LSAMP: variants seen among roughly 807,000 people sequenced by gnomAD.
LSAMP encodes limbic system associated membrane protein.
A neutral mutation model predicts 38.6 loss-of-function variants in LSAMP; 7 were observed. The observed-to-expected ratio is 0.18, with a 90% CI of 0.10 to 0.34. The LOEUF is 0.34. LSAMP is among the 10% of genes least tolerant of loss of function. The pLI, the probability that LSAMP is intolerant of heterozygous loss-of-function variation, is 1.00. For missense variants in LSAMP, 313 were observed against 420.0 expected, an observed-to-expected ratio of 0.75 and a Z score of 2.23; for synonymous variants, 154 against 166.8, an observed-to-expected ratio of 0.92 and a Z score of 0.59.
At chr3:116,339,571 A>G (rs2047966322) in intron 1 of LSAMP, among the ~76,000 whole-genome samples, 1 of 151,934 alleles carries the variant, frequency 6.6e-6, no homozygotes, top group African/African-American at 2.4e-5. Flanking sequence ...CTCCCCTGGA[A>G]CCTGGACTAA....
chr3:116,322,067 T>C lies in LSAMP; in HGVS notation c.155+122810A>G, dbSNP rs181109301. ...AGAAATCTCTAGTTACATTGTTCAC[T>C]GAAGCAAAACTATGTTATAAGGGTC... is the stretch of plus-strand genomic sequence containing the variant. On this transcript the variant is annotated intron_variant, in intron 1 of 6. Transcript: ENST00000490035. 9.2e-5 allele frequency among the ~76,000 whole-genome samples: 14 copies of C among 152,344 alleles called. No individual in the cohort carries two copies. In the East Asian group the frequency reaches 2.7e-3, roughly 29 times the overall value.
chr3:115,925,087 C>T (rs1486753602), intron 3 of LSAMP, among the ~76,000 whole-genome samples: 1 of 152,110 alleles, frequency 6.6e-6, no homozygotes, highest in East Asian at 1.9e-4. Flanking sequence ...GGTTTCCTTC[C>T]AAGTCCACTC....
At chr3:116,434,098 T>C (rs894424055) in intron 1 of LSAMP, among the ~76,000 whole-genome samples, 1 of 152,210 alleles carries the variant, frequency 6.6e-6, no homozygotes, top group African/African-American at 2.4e-5. Flanking sequence ...ATTATCTATC[T>C]CTGATTTTAT....
chr3:116,028,036 T>C (rs1182715858), intron 2 of LSAMP, among the ~76,000 whole-genome samples: 1 of 152,170 alleles, frequency 6.6e-6, no homozygotes, highest in Non-Finnish European at 1.5e-5. Context: ...TTTTCTTTGG[T>C]ACAGCAGGAA....
In LSAMP at chr3:115,806,326, TACAC is replaced by T. The variant is rs1279860603; in HGVS notation, c.*3987_*3990del. On this transcript the variant is annotated 3_prime_UTR_variant, in exon 7 of 7. Coordinates refer to ENST00000490035, the MANE Select transcript of LSAMP (RefSeq NM_002338.5). ...ATATAGCATCTATAAAGATAAAAAA[TACAC>T]ACACATATATATTATTGTTTTCCAC... is the stretch of plus-strand genomic sequence containing the variant. The T allele has an allele frequency of 6.6e-6, 1 of 152,052 alleles. No homozygotes were observed. Among genetic ancestry groups the T allele is most frequent in the Non-Finnish European group, 1.5e-5 (1 of 68,002 alleles). 9.4% of individuals were successfully genotyped at this position (152,052 alleles called of 1,614,324 possible).
Position 115,841,895 on chromosome 3 carries a change from C to T in LSAMP, c.869G>A (p.Cys290Tyr). The T allele has an allele frequency of 6.2e-7, 1 of 1,614,054 alleles. No homozygotes were observed. Among genetic ancestry groups the T allele is most frequent in the South Asian group, 1.1e-5 (1 of 91,056 alleles). The change falls in exon 6 of 7, where the codon TGT (cysteine) becomes TAT (tyrosine). Residue 290 changes from cysteine to tyrosine, a missense_variant. Physicochemically the swap from Cys to Tyr is radical, Grantham distance 194. Coordinates refer to ENST00000490035, the MANE Select transcript of LSAMP (RefSeq NM_002338.5). ...GACCCCCAGCTTGTTGGCAGCCACACAGGTGTAGTTGCCGTAGTGCTCCTC... is the reference window on the plus strand; with the variant it reads ...GACCCCCAGCTTGTTGGCAGCCACATAGGTGTAGTTGCCGTAGTGCTCCTC... ...VTEEHYGNYT[C>Y]VAANKLGVTN...
chr3:116,235,316 A>G (rs745744398), intron 1 of LSAMP, among the ~76,000 whole-genome samples: 3 of 152,100 alleles, frequency 2.0e-5, no homozygotes, highest in Non-Finnish European at 2.9e-5. Flanking sequence ...GGAGCTCACT[A>G]TGTTGCATAG....
Position 115,805,237 on chromosome 3 carries a change from G to A in LSAMP, c.*5080C>T, listed in dbSNP as rs933316302. ...GACAATCTCCACTTAGATCCTGAAA[G>A]ACCAAAGAGGTGACTTGAGCAGGAT... On this transcript the variant is annotated 3_prime_UTR_variant, in exon 7 of 7. Transcript: ENST00000490035. 1 of 152,198 alleles carries A rather than the reference G, an allele frequency of 6.6e-6. No individual in the cohort carries two copies. The highest frequency in any genetic ancestry group is 2.4e-5 in the African/African-American group (1 of 41,452). The allele number at this position is 152,198 out of a possible 1,614,324, so 9.4% of individuals were successfully genotyped here.
Position 116,012,202 on chromosome 3 carries a change from T to A in LSAMP, c.514+7313A>T, listed in dbSNP as rs752760646. Among the ~76,000 whole-genome samples the A allele has an allele frequency of 2.6e-4, 40 of 152,178 alleles. 1 individual carries two copies. The highest frequency in any genetic ancestry group is 4.0e-4 in the Non-Finnish European group (27 of 68,026). ...GCAAGCATCTGCTCATTTCAACAAC[T>A]CCATGGTCACTTTGATTTTTAAATA... On this transcript the variant is annotated intron_variant, in intron 3 of 6. Coordinates refer to ENST00000490035, the MANE Select transcript of LSAMP (RefSeq NM_002338.5).
At chr3:116,268,051 C>G (rs1274293411) in intron 1 of LSAMP, among the ~76,000 whole-genome samples, 1 of 152,092 alleles carries the variant, frequency 6.6e-6, no homozygotes, top group Non-Finnish European at 1.5e-5. Flanking sequence ...CTCTGGACAT[C>G]TCTTCTGGGC....
At chr3:116,233,560 T>C (rs965857128) in intron 1 of LSAMP, among the ~76,000 whole-genome samples, 3 of 151,996 alleles carry the variant, frequency 2.0e-5, no homozygotes, top group African/African-American at 7.3e-5. Context: ...AAACACTAGC[T>C]CTTATTCCTT....
At chr3:115,942,913 C>T (rs868368022) in intron 3 of LSAMP, among the ~76,000 whole-genome samples, 1 of 152,120 alleles carries the variant, frequency 6.6e-6, no homozygotes, top group East Asian at 1.9e-4. Flanking sequence ...AACATTAGTG[C>T]TTTATCAGAT....
chr3:116,122,522 T>C (rs1181771521), intron 1 of LSAMP, among the ~76,000 whole-genome samples: 1 of 152,176 alleles, frequency 6.6e-6, no homozygotes, highest in Non-Finnish European at 1.5e-5. Flanking sequence ...TCAATACTTA[T>C]TATTTGTTAG....
At chr3:115,947,995 T>C (rs1938157652) in intron 3 of LSAMP, among the ~76,000 whole-genome samples, 1 of 152,170 alleles carries the variant, frequency 6.6e-6, no homozygotes, top group African/African-American at 2.4e-5. Flanking sequence ...TATGTATAGG[T>C]GAAACCTTTG....
intron 3 of LSAMP, among the ~76,000 whole-genome samples, chr3:116,002,257 G>A (rs768062950): frequency 6.6e-6 from 1 of 152,084 alleles, no homozygotes; most frequent in Non-Finnish European, 1.5e-5. Context: ...CCCTAGAGAG[G>A]GCAGTTGCTT....
At chr3:116,173,967 T>G (rs568741530) in intron 1 of LSAMP, among the ~76,000 whole-genome samples, 1 of 152,040 alleles carries the variant, frequency 6.6e-6, no homozygotes, top group South Asian at 2.1e-4. Flanking sequence ...GGTCCTCACA[T>G]TCCTATACTT....
chr3:115,955,419 T>A (rs7634181), intron 3 of LSAMP, among the ~76,000 whole-genome samples: 1 of 152,008 alleles, frequency 6.6e-6, no homozygotes, highest in South Asian at 2.1e-4. Context: ...TCACTTCTCA[T>A]GAAAATAGTT....
intron 1 of LSAMP, among the ~76,000 whole-genome samples, chr3:116,191,052 T>C (rs1446867656): frequency 6.6e-6 from 1 of 152,162 alleles, no homozygotes; most frequent in Non-Finnish European, 1.5e-5. Flanking sequence ...ATTAGCTGTA[T>C]TGCTACTAAA....
chr3:116,207,667 T>A (rs1242713096), intron 1 of LSAMP, among the ~76,000 whole-genome samples: 1 of 151,840 alleles, frequency 6.6e-6, no homozygotes. Flanking sequence ...CTTATGAAGC[T>A]TAGTTTGGCT....
Sources: gnomAD v4.1 joint callset for allele counts (sites outside exome capture counted in the v4.1 genomes callset) on GRCh38, gnomAD v4.1.1 for gene constraint, MANE v1.5 for transcripts, NCBI Gene and HGNC (gene_info 2026-07-23, HGNC 2026-07-21) for gene names.